MBOAT1: variants seen among roughly 807,000 people sequenced by gnomAD.
MBOAT1 encodes the protein membrane-bound glycerophospholipid O-acyltransferase 1.
In MBOAT1, 67 loss-of-function variants were observed where a neutral mutation model predicts 64.4. The ratio of observed to expected loss-of-function variants is 1.04; its 90% confidence interval spans 0.85 to 1.27. The LOEUF is 1.27. MBOAT1 is among the 50% of genes most tolerant of loss of function. MBOAT1 has a pLI of 0.00. For missense variants in MBOAT1, 563 were observed against 604.6 expected, an observed-to-expected ratio of 0.93 and a Z score of 0.72; for synonymous variants, 229 against 218.9, an observed-to-expected ratio of 1.05 and a Z score of -0.41.
At chr6:20,206,046 C>T (rs1314674834) in intron 1 of MBOAT1, among the ~76,000 whole-genome samples, 1 of 152,214 alleles carries the variant, frequency 6.6e-6, no homozygotes, top group Non-Finnish European at 1.5e-5. Context: ...CTGCCTTCCT[C>T]CCTCCACTGC....
chr6:20,152,326 CAAAAA>C (rs60553927), intron 2 of MBOAT1, among the ~76,000 whole-genome samples: 3,786 of 96,826 alleles, frequency 0.039, 75 homozygotes, highest in Non-Finnish European at 0.053. Context: ...GACTCCGTCT[CAAAAA>C]AAAAAAATAA....
At chr6:20,111,860 A>ACG (rs1760170783) in intron 11 of MBOAT1, among the ~76,000 whole-genome samples, 1 of 127,680 alleles carries the variant, frequency 7.8e-6, no homozygotes, top group African/African-American at 3.5e-5. Flanking sequence ...ATATATATAC[A>ACG]TATATATACA....
intron 1 of MBOAT1, among the ~76,000 whole-genome samples, chr6:20,161,050 G>A (rs1761840466): frequency 6.6e-6 from 1 of 152,124 alleles, no homozygotes; most frequent in African/African-American, 2.4e-5. Context: ...CACAGCAGAA[G>A]GTGAGTGGCA....
chr6:20,168,686 AAAG>A (rs752421800), intron 1 of MBOAT1, among the ~76,000 whole-genome samples: 8 of 135,034 alleles, frequency 5.9e-5, no homozygotes, highest in African/African-American at 2.0e-4. Context: ...AGAAGGAGAG[AAAG>A]AAGAAGAGAG....
intron 2 of MBOAT1, among the ~76,000 whole-genome samples, chr6:20,152,111 A>G (rs1761510331): frequency 6.6e-6 from 1 of 151,992 alleles, no homozygotes; most frequent in Admixed American, 6.6e-5. Flanking sequence ...GCCTGAGCTC[A>G]GGCGTTTGCA....
intron 1 of MBOAT1, among the ~76,000 whole-genome samples, chr6:20,156,765 GT>G (rs1761701572): frequency 6.6e-6 from 1 of 152,182 alleles, no homozygotes; most frequent in South Asian, 2.1e-4. Flanking sequence ...AAGAATGCTT[GT>G]GATTTTTGCA....
intron 1 of MBOAT1, among the ~76,000 whole-genome samples, chr6:20,171,306 G>A (rs980349904): frequency 1.3e-5 from 2 of 151,582 alleles, no homozygotes; most frequent in Non-Finnish European, 2.9e-5. Context: ...GGAGGCCAAG[G>A]CAGAAGGATT....
In MBOAT1 at chr6:20,152,769, C is replaced by G. The variant is rs1271670340; in HGVS notation, c.100G>C (p.Val34Leu). 4 of 1,602,706 alleles carry G rather than the reference C, an allele frequency of 2.5e-6. No individual in the cohort carries two copies. The South Asian group carries it at 4.5e-5, about 18-fold the overall frequency. ...SELLGIPLDQ[V>L]NFVVCQLVAL... is the part of the protein sequence containing the mutation. ...ACAAGCTGGCATACCACAAAATTCA[C>G]CTGTGGCAGGGGAAGAGAAAATAAA... Residue 34 changes from valine to leucine, a missense_variant and splice_region_variant, in exon 2 of 13, where the codon GTG (valine) becomes CTG (leucine). Coordinates refer to ENST00000324607, the MANE Select transcript of MBOAT1 (RefSeq NM_001080480.3).
chr6:20,120,886 G>C (rs1760475612), intron 8 of MBOAT1, among the ~76,000 whole-genome samples: 3 of 152,182 alleles, frequency 2.0e-5, no homozygotes. Flanking sequence ...TTTTGTCTCA[G>C]AGCAGTAACA....
At chr6:20,170,612 C>G (rs1179051771) in intron 1 of MBOAT1, among the ~76,000 whole-genome samples, 1 of 152,150 alleles carries the variant, frequency 6.6e-6, no homozygotes, top group Non-Finnish European at 1.5e-5. Flanking sequence ...GGACAACATG[C>G]CTCTGACTTT....
intron 9 of MBOAT1, 22 bp from the exon 10 acceptor site, chr6:20,115,374 C>T (rs1208879422): frequency 1.3e-6 from 2 of 1,587,896 alleles, no homozygotes; most frequent in East Asian, 4.5e-5. Context: ...AAAATAACAC[C>T]TATCATTAGC....
At chr6:20,104,980 G>C (rs1376024183) in intron 12 of MBOAT1, among the ~76,000 whole-genome samples, 2 of 152,212 alleles carry the variant, frequency 1.3e-5, no homozygotes, top group East Asian at 3.8e-4. Flanking sequence ...TGTTTAACCA[G>C]GGAAGGGGTA....
At position 20,148,631 on chromosome 6, in the gene MBOAT1, C is replaced by T. The variant is rs542030368; in HGVS notation, c.323+2554G>A. Among the ~76,000 whole-genome samples, 68 of 152,322 alleles carry T rather than the reference C, an allele frequency of 4.5e-4. 2 individuals are homozygous for T. In the Middle Eastern group the frequency reaches 0.01, roughly 23 times the overall value. ...GGAAATGTGACATATGGAGAAGTTG[C>T]ATGACCAGTCCAAATTCACACTACT... is the stretch of plus-strand genomic sequence containing the variant. On this transcript the variant is annotated intron_variant, in intron 3 of 12. Coordinates refer to ENST00000324607, the MANE Select transcript of MBOAT1 (RefSeq NM_001080480.3).
intron 4 of MBOAT1, among the ~76,000 whole-genome samples, chr6:20,141,263 A>G (rs1761161934): frequency 6.6e-6 from 1 of 152,012 alleles, no homozygotes; most frequent in Admixed American, 6.5e-5. Flanking sequence ...GTACAGTGGG[A>G]GCAGATGGCA....
intron 1 of MBOAT1, among the ~76,000 whole-genome samples, chr6:20,183,508 G>A (rs968396308): frequency 6.6e-6 from 1 of 152,190 alleles, no homozygotes; most frequent in African/African-American, 2.4e-5. Flanking sequence ...TAAAAGCAAT[G>A]GCTATCCAAC....
At chr6:20,211,586 C>T (rs1484333508) in intron 1 of MBOAT1, among the ~76,000 whole-genome samples, 1 of 152,140 alleles carries the variant, frequency 6.6e-6, no homozygotes, top group Non-Finnish European at 1.5e-5. Context: ...GGCATATGAG[C>T]CAACCGAACC....
intron 1 of MBOAT1, among the ~76,000 whole-genome samples, chr6:20,165,733 ACT>A (rs896355578): frequency 8.5e-6 from 1 of 118,120 alleles, no homozygotes; most frequent in Non-Finnish European, 1.8e-5. Context: ...ACAGAGCAAG[ACT>A]CTGTTTCAAA....
intron 4 of MBOAT1, among the ~76,000 whole-genome samples, chr6:20,133,590 G>C (rs1400373467): frequency 6.6e-6 from 1 of 152,098 alleles, no homozygotes; most frequent in Admixed American, 6.6e-5. Flanking sequence ...AAAACCTCTA[G>C]GAACCAGCCT....
intron 12 of MBOAT1, among the ~76,000 whole-genome samples, chr6:20,108,979 C>T (rs1359031371): frequency 3.9e-5 from 6 of 152,232 alleles, no homozygotes; most frequent in African/African-American, 1.4e-4. Flanking sequence ...TTACACATAA[C>T]TGTGAAAGAA....
Sources: allele counts gnomAD v4.1 joint callset (sites outside exome capture counted in the v4.1 genomes callset), GRCh38; gene constraint gnomAD v4.1.1; transcripts MANE v1.5; gene names NCBI Gene and HGNC (gene_info 2026-07-23, HGNC 2026-07-21).